Variants in NSMCE2 observed in about 807,000 individuals in gnomAD.
NSMCE2 encodes the protein NSE2 SUMO ligase component of SMC5/6 complex, also known as E3 SUMO-protein ligase NSE2.
Under a neutral mutation model 23.8 loss-of-function variants are expected in NSMCE2, and 24 were observed. The observed-to-expected ratio is 1.01, with a 90% confidence interval of 0.73 to 1.42. The LOEUF (loss-of-function observed/expected upper bound fraction) is 1.42, where lower values mean the gene tolerates loss of function less well. Among genes scored for constraint, NSMCE2 ranks in the 40% most tolerant of loss-of-function variants. The pLI, the probability that NSMCE2 is intolerant of heterozygous loss-of-function variation, is 0.00. For missense variants in NSMCE2, 284 were observed against 296.5 expected (o/e 0.96, Z 0.31); for synonymous variants, 92 against 94.1 (o/e 0.98, Z 0.13).
chr8:125,093,385 G>A (rs1038826367), intron 1 of NSMCE2, among the ~76,000 whole-genome samples: 6 of 152,152 alleles, frequency 3.9e-5, no homozygotes, highest in Non-Finnish European at 7.3e-5. Flanking sequence ...TAAGATGTGG[G>A]CAGATAGAAA....
intron 5 of NSMCE2, among the ~76,000 whole-genome samples, chr8:125,316,175 T>C (rs992744682): frequency 2.0e-5 from 3 of 152,182 alleles, no homozygotes; most frequent in African/African-American, 4.8e-5. Context: ...GAATAGCATG[T>C]CTTCTTTTTC....
intron 5 of NSMCE2, among the ~76,000 whole-genome samples, chr8:125,200,186 ATTG>A (rs1823801125): frequency 6.6e-6 from 1 of 152,094 alleles, no homozygotes; most frequent in African/African-American, 2.4e-5. Flanking sequence ...TAAGGTTAAT[ATTG>A]TTATGTTTGG....
intron 5 of NSMCE2, among the ~76,000 whole-genome samples, chr8:125,220,805 A>G (rs990091861): frequency 6.6e-6 from 1 of 152,224 alleles, no homozygotes; most frequent in Non-Finnish European, 1.5e-5. Flanking sequence ...TCTGAGATCG[A>G]TATAAATTTT....
intron 5 of NSMCE2, 88 bp from the exon 6 acceptor site, chr8:125,357,131 C>T (rs557945364): frequency 9.5e-6 from 8 of 837,884 alleles, no homozygotes; most frequent in South Asian, 1.5e-5. Context: ...AATGCTCCCC[C>T]AGAAACTCTT....
intron 5 of NSMCE2, among the ~76,000 whole-genome samples, chr8:125,292,193 A>G (rs917200580): frequency 1.3e-5 from 2 of 151,814 alleles, no homozygotes; most frequent in African/African-American, 4.8e-5. Flanking sequence ...CACACTAGCA[A>G]TATGTAGATT....
chr8:125,097,598 C>T (rs1442237770), intron 1 of NSMCE2, among the ~76,000 whole-genome samples: 1 of 152,136 alleles, frequency 6.6e-6, no homozygotes, highest in African/African-American at 2.4e-5. Context: ...GCCTATGTCT[C>T]CCCTGTTGTG....
At chr8:125,322,928 G>A (rs1029160433) in intron 5 of NSMCE2, among the ~76,000 whole-genome samples, 4 of 152,176 alleles carry the variant, frequency 2.6e-5, no homozygotes, top group Admixed American at 2.0e-4. Flanking sequence ...GTGTGGTGAC[G>A]CATGCCTGTG....
intron 5 of NSMCE2, among the ~76,000 whole-genome samples, chr8:125,237,469 C>T (rs1825606464): frequency 6.6e-6 from 1 of 152,144 alleles, no homozygotes; most frequent in East Asian, 1.9e-4. Flanking sequence ...GCATTCAGTC[C>T]ACCTGGCAGA....
rs143643845 is a variant in NSMCE2 at position 125,248,040 on chromosome 8, AAAAT to A, written c.418+65785_418+65788del. 1.1e-4 allele frequency among the ~76,000 whole-genome samples: 17 copies of A among 152,362 alleles called. No individual in the cohort carries two copies. In the East Asian group the frequency reaches 3.3e-3, roughly 29 times the overall value. ...TAGAGAAAAGTTGGCTCATTCAATA[AAAAT>A]TTTGAAACCATTGATTAATGTCTTA... On this transcript the variant is annotated intron_variant, in intron 5 of 7. Coordinates refer to ENST00000287437, the MANE Select transcript of NSMCE2 (RefSeq NM_173685.4).
chr8:125,191,900 A>G (rs1823358391), intron 5 of NSMCE2, among the ~76,000 whole-genome samples: 1 of 152,192 alleles, frequency 6.6e-6, no homozygotes, highest in Admixed American at 6.5e-5. Flanking sequence ...TGGAGGTGAC[A>G]TATTTACCCA....
intron 3 of NSMCE2, among the ~76,000 whole-genome samples, chr8:125,148,708 A>G (rs981899189): frequency 1.3e-5 from 2 of 152,192 alleles, no homozygotes; most frequent in Admixed American, 6.6e-5. Flanking sequence ...CATAAAATAT[A>G]CTGATCCATT....
chr8:125,149,546 T>A (rs1820876994), intron 3 of NSMCE2, among the ~76,000 whole-genome samples: 2 of 152,200 alleles, frequency 1.3e-5, no homozygotes, highest in African/African-American at 4.8e-5. Context: ...AGTTTTTAGT[T>A]GAAATTTTTA....
At chr8:125,160,070 G>C (rs1177679792) in intron 4 of NSMCE2, among the ~76,000 whole-genome samples, 3 of 152,100 alleles carry the variant, frequency 2.0e-5, no homozygotes, top group Non-Finnish European at 4.4e-5. Context: ...TTTTAACGGT[G>C]AAATAGTTTG....
At chr8:125,360,925 C>G (rs1375501558) in intron 7 of NSMCE2, among the ~76,000 whole-genome samples, 1 of 152,138 alleles carries the variant, frequency 6.6e-6, no homozygotes, top group African/African-American at 2.4e-5. Context: ...CTGGGAAGGC[C>G]TCTCTGCACT....
intron 5 of NSMCE2, among the ~76,000 whole-genome samples, chr8:125,242,319 T>C (rs4601329): frequency 0.066 from 10,088 of 151,828 alleles, 479 homozygotes; most frequent in East Asian, 0.17. Flanking sequence ...AAAAGCAATA[T>C]GGCAGCAACA....
chr8:125,245,254 G>A (rs1165464858), intron 5 of NSMCE2, among the ~76,000 whole-genome samples: 1 of 152,136 alleles, frequency 6.6e-6, no homozygotes, highest in African/African-American at 2.4e-5. Context: ...CTGCACTCCA[G>A]CCTGGGCGAC....
intron 5 of NSMCE2, among the ~76,000 whole-genome samples, chr8:125,189,602 G>A (rs899552098): frequency 6.6e-6 from 1 of 152,126 alleles, no homozygotes; most frequent in Non-Finnish European, 1.5e-5. Flanking sequence ...GAAAAAGAGG[G>A]TCAGAACATA....
At chr8:125,354,222 G>A (rs1263881772) in intron 5 of NSMCE2, among the ~76,000 whole-genome samples, 3 of 152,002 alleles carry the variant, frequency 2.0e-5, no homozygotes, top group African/African-American at 7.2e-5. Context: ...GTGAGCCACC[G>A]CACCCAACCT....
chr8:125,234,701 T>C (rs78988264), intron 5 of NSMCE2, among the ~76,000 whole-genome samples: 3,287 of 152,340 alleles, frequency 0.022, 127 homozygotes, highest in African/African-American at 0.075. Context: ...AAACTCTTAA[T>C]GTTGATGATG....
Sources: allele counts gnomAD v4.1 joint callset (sites outside exome capture counted in the v4.1 genomes callset), GRCh38; gene constraint gnomAD v4.1.1; transcripts MANE v1.5; gene names NCBI Gene and HGNC (gene_info 2026-07-23, HGNC 2026-07-21).